Variants in MBTPS1 observed in about 807,000 individuals in gnomAD.
MBTPS1 encodes the protein membrane bound transcription factor peptidase, site 1, also known as membrane-bound transcription factor site-1 protease.
Under a neutral mutation model 127.8 loss-of-function variants are expected in MBTPS1, and 94 were observed. That is an observed-to-expected ratio of 0.74 (90% CI 0.62 to 0.87). MBTPS1 has a LOEUF of 0.87. Among genes scored for constraint, MBTPS1 ranks in the 40% least tolerant of loss-of-function variants. The probability of loss-of-function intolerance (pLI) is 0.00; values close to 1 mark genes in which losing one functional copy is unlikely to be tolerated. For synonymous variants in MBTPS1, 632 were observed against 509.4 expected (o/e 1.24, Z -3.24); for missense variants, 1,636 against 1,353.2 (o/e 1.21, Z -3.28).
rs569640382 is a variant in MBTPS1 at position 84,105,296 on chromosome 16, C to G, written c.-324-3189G>C. Among the ~76,000 whole-genome samples the G allele has an allele frequency of 5.0e-4, 76 of 152,272 alleles. 2 individuals carry two copies. The highest frequency in any genetic ancestry group is 1.7e-3 in the African/African-American group (70 of 41,548). Reference sequence around the variant, plus strand: ...CAAGTTAAGATACTATCAGGTACTACAGAACAAACACGGACTATTAGCTAG... The same window carrying G: ...CAAGTTAAGATACTATCAGGTACTAGAGAACAAACACGGACTATTAGCTAG... On this transcript the variant is annotated intron_variant, in intron 1 of 22. Transcript: ENST00000343411.
rs930451485 is a variant in MBTPS1 at position 84,102,021 on chromosome 16, C to G, written c.-238G>C. ...TCTTGGAAATAAGGCTTCTCTCACT[C>G]AGGCCGTGACGACTGAGTCCTGTAC... On this transcript the variant is annotated 5_prime_UTR_variant, in exon 2 of 23. Coordinates refer to ENST00000343411, the MANE Select transcript of MBTPS1 (RefSeq NM_003791.4). 20 of 485,902 alleles carry G rather than the reference C, an allele frequency of 4.1e-5. No homozygotes were observed. The highest frequency in any genetic ancestry group is 7.0e-5 in the Admixed American group (2 of 28,442). 30.1% of individuals were successfully genotyped at this position (485,902 alleles called of 1,614,324 possible).
Position 84,054,541 on chromosome 16 carries a change from T to A in MBTPS1, c.3067A>T (p.Lys1023Ter). 3 of 1,614,004 alleles carry A rather than the reference T, an allele frequency of 1.9e-6. No homozygotes were observed. The highest frequency in any genetic ancestry group is 2.5e-6 in the Non-Finnish European group (3 of 1,179,938). The part of the protein sequence containing the change: ...VLAFFVVQIN[K>*]AKSRPKRRKP... Reference sequence around the variant, plus strand: ...CTCCGCTTCGGCCTGCTCTTGGCCTTGTTGATTTGTACCACAAAGAAGGCC... The same window carrying A: ...CTCCGCTTCGGCCTGCTCTTGGCCTAGTTGATTTGTACCACAAAGAAGGCC... The change falls in exon 23 of 23, where the codon AAG (lysine) becomes TAG (stop). Residue 1023 changes from lysine to a stop codon, truncating the protein, a stop_gained. Coordinates refer to ENST00000343411, the MANE Select transcript of MBTPS1 (RefSeq NM_003791.4). LOFTEE classifies it high-confidence loss of function.
chr16:84,073,614 A>T (rs1044402822), intron 12 of MBTPS1, among the ~76,000 whole-genome samples: 2 of 151,952 alleles, frequency 1.3e-5, no homozygotes, highest in African/African-American at 4.8e-5. Flanking sequence ...GTTTTTCCCT[A>T]TTTTTTATTA....
chr16:84,101,676 AG>A lies in MBTPS1; in HGVS notation c.107del (p.Pro36LeufsTer6), dbSNP rs771551818. ...CCTTCAAAGTCAGGTGGGAACAGCC[AG>A]GGCATGGGGCCTTTTCAAAAGATTT... ...EKKSFEKAPC[P>X]GCSHLTLKVE... On this transcript the variant is annotated frameshift_variant, in exon 2 of 23. Transcript: ENST00000343411. LOFTEE classifies it high-confidence loss of function. 1 of 1,614,170 alleles carries A rather than the reference AG, an allele frequency of 6.2e-7. No homozygotes were observed. The highest frequency in any genetic ancestry group is 1.1e-5 in the South Asian group (1 of 91,084).
intron 11 of MBTPS1, among the ~76,000 whole-genome samples, chr16:84,078,299 C>G (rs914041758): frequency 2.7e-5 from 4 of 150,512 alleles, no homozygotes; most frequent in African/African-American, 9.8e-5. Context: ...GCAGTGCCAC[C>G]TTACCTAACA....
At chr16:84,068,227 C>A in intron 15 of MBTPS1, 112 bp downstream of exon 15, 1 of 769,578 alleles carries the variant, frequency 1.3e-6, no homozygotes, top group Non-Finnish European at 2.2e-6. Flanking sequence ...GGGCCCACGG[C>A]GCATACTCCC....
intron 1 of MBTPS1, among the ~76,000 whole-genome samples, chr16:84,102,662 A>C (rs2086273369): frequency 6.6e-6 from 1 of 152,214 alleles, no homozygotes; most frequent in Admixed American, 6.5e-5. Context: ...GCATTTCCCC[A>C]GTTGGCACTT....
chr16:84,109,155 A>G (rs2086365412), intron 1 of MBTPS1, among the ~76,000 whole-genome samples: 1 of 152,216 alleles, frequency 6.6e-6, no homozygotes, highest in South Asian at 2.1e-4. Context: ...AACTAGTTCC[A>G]GTCTGGGTAC....
At chr16:84,084,538 T>C (rs567905153) in intron 10 of MBTPS1, among the ~76,000 whole-genome samples, 1 of 152,346 alleles carries the variant, frequency 6.6e-6, no homozygotes, top group Admixed American at 6.5e-5. Context: ...GTTGTATATC[T>C]TACATATACG....
intron 22 of MBTPS1, among the ~76,000 whole-genome samples, chr16:84,055,585 A>G (rs1204359356): frequency 6.6e-6 from 1 of 152,182 alleles, no homozygotes; most frequent in Non-Finnish European, 1.5e-5. Flanking sequence ...AGGGCAGAGA[A>G]CTGAAGGGGC....
intron 21 of MBTPS1, among the ~76,000 whole-genome samples, chr16:84,058,984 G>C (rs189149046): frequency 2.6e-4 from 40 of 152,278 alleles, no homozygotes; most frequent in African/African-American, 8.9e-4. Context: ...ACTGCAGCCG[G>C]CAGCTCTTAA....
chr16:84,074,454 A>G (rs537938766), intron 12 of MBTPS1, 143 bp downstream of exon 12: 3 of 721,712 alleles, frequency 4.2e-6, no homozygotes, highest in Admixed American at 3.0e-5. Context: ...GGCTGGTCTT[A>G]AAGTCCTGGG....
intron 10 of MBTPS1, among the ~76,000 whole-genome samples, chr16:84,082,975 G>T (rs1009748115): frequency 1.3e-5 from 2 of 152,166 alleles, no homozygotes; most frequent in Non-Finnish European, 2.9e-5. Context: ...TCTGCTGCAG[G>T]GAGATGAGGA....
intron 10 of MBTPS1, among the ~76,000 whole-genome samples, chr16:84,084,510 T>C (rs1219345957): frequency 2.6e-5 from 4 of 152,266 alleles, no homozygotes; most frequent in Non-Finnish European, 5.9e-5. Flanking sequence ...ACTATCTATA[T>C]GTATTCCATA....
chr16:84,054,738 T>C (rs1005144554), intron 22 of MBTPS1, 93 bp from the exon 23 acceptor site: 3 of 988,216 alleles, frequency 3.0e-6, no homozygotes, highest in Admixed American at 3.1e-5. Flanking sequence ...AGAAACTAAA[T>C]GCGAGCTAAT....
Position 84,093,740 on chromosome 16 carries a change from T to G in MBTPS1, c.707A>C (p.Asn236Thr). The stretch of plus-strand genomic sequence containing the variant: ...GTCCAGCGTTCGCTCGTTGGTCCAG[T>G]TGGTTCTCTCCTTCACATTTTTGAA... ...PHFKNVKERT[N>T]WTNERTLDDG... The change falls in exon 5 of 23, where the codon AAC (asparagine) becomes ACC (threonine). Residue 236 changes from asparagine to threonine, a missense_variant. Transcript: ENST00000343411. 1.2e-6 allele frequency: 2 copies of G among 1,614,124 alleles called. No individual in the cohort carries two copies. Among genetic ancestry groups the G allele is most frequent in the African/African-American group, 1.3e-5 (1 of 75,048 alleles).
chr16:84,115,053 C>A (rs965600424), intron 1 of MBTPS1, among the ~76,000 whole-genome samples: 4 of 151,834 alleles, frequency 2.6e-5, no homozygotes, highest in Non-Finnish European at 4.4e-5. Flanking sequence ...CTCAGCCTCC[C>A]GAGTAGCTGG....
At chr16:84,076,294 T>G (rs2085853799) in intron 11 of MBTPS1, among the ~76,000 whole-genome samples, 1 of 151,846 alleles carries the variant, frequency 6.6e-6, no homozygotes, top group Non-Finnish European at 1.5e-5. Context: ...AATATATACA[T>G]ATATATATAG....
At chr16:84,082,404 T>C (rs943361683) in intron 10 of MBTPS1, among the ~76,000 whole-genome samples, 1 of 152,088 alleles carries the variant, frequency 6.6e-6, no homozygotes, top group African/African-American at 2.4e-5. Flanking sequence ...GTTTCCAGAT[T>C]GGGAGGCTTG....
Sources: allele counts gnomAD v4.1 joint callset (sites outside exome capture counted in the v4.1 genomes callset), GRCh38; gene constraint gnomAD v4.1.1; transcripts MANE v1.5; gene names NCBI Gene and HGNC (gene_info 2026-07-23, HGNC 2026-07-21).